Variants in PUM1 observed in about 807,000 individuals in gnomAD.
PUM1 encodes pumilio homolog 1.
PUM1 carries 13 observed loss-of-function variants against 131.8 expected under a neutral mutation model. The observed-to-expected ratio is 0.10, with a 90% CI of 0.06 to 0.16. The LOEUF is 0.16. Among genes scored for constraint, PUM1 ranks in the 10% least tolerant of loss-of-function variants. PUM1 has a pLI of 1.00. For missense variants in PUM1, 961 were observed against 1,512.4 expected, an observed-to-expected ratio of 0.64 and a Z score of 6.05; for synonymous variants, 509 against 556.5, an observed-to-expected ratio of 0.91 and a Z score of 1.20.
chr1:30,956,649 G>A (rs942520373), intron 14 of PUM1, among the ~76,000 whole-genome samples: 3 of 152,190 alleles, frequency 2.0e-5, no homozygotes, highest in African/African-American at 4.8e-5. Context: ...TGGTAACAGG[G>A]TAGGTTGGCA....
At chr1:31,041,262 T>C (rs1225301438) in intron 2 of PUM1, among the ~76,000 whole-genome samples, 1 of 152,104 alleles carries the variant, frequency 6.6e-6, no homozygotes, top group Admixed American at 6.6e-5. Flanking sequence ...TTTTAACAGA[T>C]ATGGGGGTCT....
intron 17 of PUM1, among the ~76,000 whole-genome samples, chr1:30,947,616 C>T (rs1220284000): frequency 6.6e-6 from 1 of 152,148 alleles, no homozygotes; most frequent in East Asian, 1.9e-4. Context: ...ATACCTGGTG[C>T]CTCCTGCCCA....
At chr1:31,002,614 T>TG (rs370798842) in intron 5 of PUM1, among the ~76,000 whole-genome samples, 3 of 152,050 alleles carry the variant, frequency 2.0e-5, no homozygotes, top group East Asian at 3.9e-4. Flanking sequence ...CCCTGAACCA[T>TG]GGGGGGCTGT....
chr1:31,065,347 C>T (rs573899460), intron 1 of PUM1, among the ~76,000 whole-genome samples: 5 of 152,288 alleles, frequency 3.3e-5, no homozygotes, highest in Admixed American at 6.5e-5. Context: ...GGCACGTCTA[C>T]GCCCTGGGCT....
chr1:31,006,955 C>T (rs746772818), intron 4 of PUM1, 39 bp downstream of exon 4: 1 of 1,492,688 alleles, frequency 6.7e-7, no homozygotes, highest in Non-Finnish European at 9.3e-7. Flanking sequence ...AGCTCTAAGA[C>T]AGGCATAAAT....
chr1:30,996,521 G>A (rs1199432804), intron 5 of PUM1, among the ~76,000 whole-genome samples: 1 of 152,176 alleles, frequency 6.6e-6, no homozygotes, highest in Non-Finnish European at 1.5e-5. Flanking sequence ...TACTTCTAAA[G>A]TTATTCTCTG....
chr1:30,973,474 G>A (rs1041942766), intron 10 of PUM1, among the ~76,000 whole-genome samples: 3 of 152,104 alleles, frequency 2.0e-5, no homozygotes, highest in African/African-American at 7.2e-5. Context: ...TTATGTAAAG[G>A]ATGTTAATCA....
chr1:31,007,670 A>C (rs1392539252), intron 3 of PUM1, among the ~76,000 whole-genome samples: 1 of 152,182 alleles, frequency 6.6e-6, no homozygotes, highest in African/African-American at 2.4e-5. Context: ...AGGACAGAAA[A>C]GCTATTCCTT....
chr1:30,961,454 T>C (rs953913489), intron 14 of PUM1, among the ~76,000 whole-genome samples: 1 of 149,472 alleles, frequency 6.7e-6, no homozygotes, highest in Non-Finnish European at 1.5e-5. Context: ...AGCCCAGGAG[T>C]TTGAGGTTAC....
At chr1:31,028,658 C>A (rs1031191387) in intron 3 of PUM1, 138 bp downstream of exon 3, 10 of 776,768 alleles carry the variant, frequency 1.3e-5, no homozygotes, top group Non-Finnish European at 2.0e-5. Flanking sequence ...CTCCAGCATC[C>A]CGTTCCTATC....
intron 1 of PUM1, among the ~76,000 whole-genome samples, chr1:31,060,731 C>CA (rs1644348910): frequency 1.3e-5 from 2 of 151,658 alleles, no homozygotes; most frequent in Non-Finnish European, 2.9e-5. Flanking sequence ...ACTGGAAATA[C>CA]AAAAATTAAC....
rs35972861 is a variant in PUM1 at position 30,932,639 on chromosome 1, T to TTATATA, written c.*566_*571dup. 89 of 92,666 alleles carry TTATATA rather than the reference T, an allele frequency of 9.6e-4. No individual in the cohort carries two copies. Among genetic ancestry groups the TTATATA allele is most frequent in the Admixed American group, 2.3e-3 (25 of 10,994 alleles). The allele number at this position is 92,666 out of a possible 1,614,324, so 5.7% of individuals were successfully genotyped here. On this transcript the variant is annotated 3_prime_UTR_variant, in exon 22 of 22. Transcript: ENST00000426105. ...TTTAGCAACTCTGAAACCTTTTTCA[T>TTATATA]TATATATATATATATATATATATAT...
chr1:30,952,506 T>G, intron 15 of PUM1, 143 bp from the exon 16 acceptor site: 1 of 1,202,880 alleles, frequency 8.3e-7, no homozygotes. Context: ...TAAACCAAAC[T>G]TTATTTGAAT....
At chr1:30,977,215 C>A (rs1329877922) in intron 9 of PUM1, among the ~76,000 whole-genome samples, 3 of 152,182 alleles carry the variant, frequency 2.0e-5, no homozygotes, top group African/African-American at 4.8e-5. Flanking sequence ...GTGGTTTTGA[C>A]TATGACCCAT....
chr1:31,037,996 G>A (rs569276056), intron 2 of PUM1, among the ~76,000 whole-genome samples: 19 of 151,214 alleles, frequency 1.3e-4, no homozygotes, highest in East Asian at 5.9e-4. Flanking sequence ...GGAGAATGGC[G>A]TGAACTCAGG....
intron 3 of PUM1, among the ~76,000 whole-genome samples, chr1:31,014,574 G>A (rs186415704): frequency 5.3e-5 from 8 of 151,858 alleles, no homozygotes; most frequent in East Asian, 1.9e-4. Context: ...GATTGCTTGC[G>A]GTCAGGAGTT....
In PUM1 at chr1:30,994,964, G is replaced by A. The variant is rs1168968193; in HGVS notation, c.887+90C>T. On this transcript the variant is annotated intron_variant, in intron 6 of 21. Coordinates refer to ENST00000426105, the MANE Select transcript of PUM1 (RefSeq NM_001020658.2). ...TCTTAAAAAGAAAACATGAAGAGGG[G>A]AAGAAAACGAAAATCAAAGTAAAAC... is the stretch of plus-strand genomic sequence containing the variant. The A allele has an allele frequency of 1.2e-5, 17 of 1,385,206 alleles. No individual in the cohort carries two copies. In the African/African-American group the frequency reaches 2.2e-4, roughly 18 times the overall value. 85.8% of individuals were successfully genotyped at this position (1,385,206 alleles called of 1,614,324 possible). A position where few individuals can be genotyped will look rare whatever the true frequency, so the allele number is the denominator to read the frequency against.
intron 2 of PUM1, among the ~76,000 whole-genome samples, chr1:31,058,838 T>C (rs1644309093): frequency 6.8e-6 from 1 of 146,002 alleles, no homozygotes; most frequent in South Asian, 2.2e-4. Context: ...GGCGTGGTGG[T>C]GCACACCTGT....
intron 3 of PUM1, among the ~76,000 whole-genome samples, chr1:31,024,527 CT>C (rs1190906587): frequency 6.6e-6 from 1 of 152,154 alleles, no homozygotes; most frequent in Non-Finnish European, 1.5e-5. Context: ...TATGCTTCAG[CT>C]TTCTAAGACA....
Sources: allele counts gnomAD v4.1 joint callset (sites outside exome capture counted in the v4.1 genomes callset), GRCh38; gene constraint gnomAD v4.1.1; transcripts MANE v1.5; gene names NCBI Gene and HGNC (gene_info 2026-07-23, HGNC 2026-07-21).